Variants in STIM1 observed in about 807,000 individuals in gnomAD.
STIM1 encodes the protein stromal interaction molecule 1.
A neutral mutation model predicts 74.7 loss-of-function variants in STIM1; 25 were observed. That is an observed-to-expected ratio of 0.33 (90% CI 0.24 to 0.47). The LOEUF (loss-of-function observed/expected upper bound fraction) is 0.47. Among genes scored for constraint, STIM1 ranks in the 20% least tolerant of loss-of-function variants. STIM1 has a pLI of 1.00. For missense variants in STIM1, 728 were observed against 920.8 expected (o/e 0.79, Z 2.71); for synonymous variants, 328 against 348.8 (o/e 0.94, Z 0.66).
At chr11:4,060,533 T>G (rs1340775896) in intron 5 of STIM1, among the ~76,000 whole-genome samples, 2 of 151,992 alleles carry the variant, frequency 1.3e-5, no homozygotes, top group Non-Finnish European at 2.9e-5. Flanking sequence ...CTTTGCCACC[T>G]TTTTTTTGGG....
intron 1 of STIM1, among the ~76,000 whole-genome samples, chr11:3,909,260 G>A (rs1281594109): frequency 6.6e-6 from 1 of 152,198 alleles, no homozygotes; most frequent in East Asian, 1.9e-4. Flanking sequence ...GTGGGTTCAA[G>A]TGCCGTCCTA....
At chr11:3,884,016 C>T (rs960118395) in intron 1 of STIM1, among the ~76,000 whole-genome samples, 2 of 151,936 alleles carry the variant, frequency 1.3e-5, no homozygotes, top group Non-Finnish European at 2.9e-5. Flanking sequence ...TAATATAATG[C>T]TTGGTAATCA....
At chr11:4,030,976 A>G (rs1241699466) in intron 3 of STIM1, among the ~76,000 whole-genome samples, 1 of 152,256 alleles carries the variant, frequency 6.6e-6, no homozygotes, top group Non-Finnish European at 1.5e-5. Context: ...TGGTACATGT[A>G]TACAATTGTG....
intron 2 of STIM1, among the ~76,000 whole-genome samples, chr11:3,988,025 G>A (rs2093573622): frequency 6.6e-6 from 1 of 152,112 alleles, no homozygotes; most frequent in South Asian, 2.1e-4. Flanking sequence ...TAAGGAACAC[G>A]TGATGAGCTC....
chr11:3,886,593 C>T (rs955136313), intron 1 of STIM1, among the ~76,000 whole-genome samples: 2 of 144,084 alleles, frequency 1.4e-5, no homozygotes, highest in Non-Finnish European at 3.0e-5. Context: ...GAGGCTGAGG[C>T]AGGAGAATGG....
At chr11:3,899,728 C>A (rs571123122) in intron 1 of STIM1, among the ~76,000 whole-genome samples, 6 of 146,062 alleles carry the variant, frequency 4.1e-5, no homozygotes, top group Admixed American at 1.4e-4. Context: ...TAGCATGAAG[C>A]GTTGTTGAAT....
At chr11:3,863,726 T>G (rs574661274) in intron 1 of STIM1, among the ~76,000 whole-genome samples, 30 of 152,286 alleles carry the variant, frequency 2.0e-4, no homozygotes, top group Admixed American at 1.2e-3. Flanking sequence ...TACCTGTGCT[T>G]TAGTCACTTA....
At chr11:4,064,469 A>G (rs2094352484) in intron 5 of STIM1, among the ~76,000 whole-genome samples, 2 of 152,130 alleles carry the variant, frequency 1.3e-5, no homozygotes, top group Admixed American at 1.3e-4. Context: ...AGACACTTAG[A>G]CCTCATCATC....
chr11:4,066,421 C>T (rs1288312742), intron 5 of STIM1, among the ~76,000 whole-genome samples: 1 of 152,200 alleles, frequency 6.6e-6, no homozygotes, highest in African/African-American at 2.4e-5. Context: ...CCCCTTTTCT[C>T]CCTTTTCTGC....
intron 1 of STIM1, among the ~76,000 whole-genome samples, chr11:3,869,383 G>A (rs1293566384): frequency 1.3e-5 from 2 of 152,184 alleles, no homozygotes; most frequent in Non-Finnish European, 2.9e-5. Context: ...TCTTGGTTCA[G>A]TGCCCTGTGA....
chr11:3,911,948 T>C (rs2092568472), intron 1 of STIM1, among the ~76,000 whole-genome samples: 1 of 152,206 alleles, frequency 6.6e-6, no homozygotes, highest in African/African-American at 2.4e-5. Flanking sequence ...TGGCCTAGTA[T>C]TGCACAGAGA....
Position 4,018,483 on chromosome 11 carries a change from A to C in STIM1, c.271-5390A>C, listed in dbSNP as rs1382189681. Among the ~76,000 whole-genome samples the C allele has an allele frequency of 1.1e-3, 161 of 149,066 alleles. 2 individuals are homozygous for C. The highest frequency in any genetic ancestry group is 2.9e-3 in the African/African-American group (118 of 40,770). Reference sequence around the variant, plus strand: ...CAAAAAAAAAAAAAAAAAAAAAAAAAAAACAAACAAAATTAGCCAGGAGTG... The same window carrying C: ...CAAAAAAAAAAAAAAAAAAAAAAAACAAACAAACAAAATTAGCCAGGAGTG... On this transcript the variant is annotated intron_variant, in intron 2 of 12. Coordinates refer to ENST00000526596, the MANE Select transcript of STIM1 (RefSeq NM_001382567.1).
intron 6 of STIM1, among the ~76,000 whole-genome samples, chr11:4,073,170 C>G (rs1322221163): frequency 6.8e-6 from 1 of 147,618 alleles, no homozygotes; most frequent in Non-Finnish European, 1.5e-5. Context: ...CTTTTCTATA[C>G]CTCAAGTCTA....
chr11:4,091,223 T>G (rs1003679032), intron 12 of STIM1, 59 bp from the exon 13 acceptor site: 1 of 1,611,128 alleles, frequency 6.2e-7, no homozygotes, highest in Non-Finnish European at 8.5e-7. Flanking sequence ...TCTTCGCCTT[T>G]CCCCTATCAC....
At chr11:4,009,200 CAGG>C (rs1201608856) in intron 2 of STIM1, among the ~76,000 whole-genome samples, 1 of 151,224 alleles carries the variant, frequency 6.6e-6, no homozygotes, top group Non-Finnish European at 1.5e-5. Flanking sequence ...AAGGCTGAGG[CAGG>C]AGAATGGCGT....
intron 1 of STIM1, among the ~76,000 whole-genome samples, chr11:3,934,735 T>A (rs544139469): frequency 2.0e-5 from 3 of 152,230 alleles, no homozygotes; most frequent in Non-Finnish European, 4.4e-5. Context: ...CTTCCATAAT[T>A]CACTGTTTTG....
intron 1 of STIM1, chr11:3,947,840 C>G (rs1391579466): frequency 6.6e-6 from 1 of 152,186 alleles, no homozygotes; most frequent in Non-Finnish European, 1.5e-5. Flanking sequence ...TGTATCTGGG[C>G]TTCAGTTTTC....
intron 1 of STIM1, among the ~76,000 whole-genome samples, chr11:3,921,345 TA>T (rs775352500): frequency 2.0e-5 from 3 of 152,254 alleles, no homozygotes; most frequent in African/African-American, 4.8e-5. Context: ...GATTAAAAAC[TA>T]TTTGTATTCA....
At chr11:4,023,504 A>G (rs887480986) in intron 2 of STIM1, among the ~76,000 whole-genome samples, 3 of 152,196 alleles carry the variant, frequency 2.0e-5, no homozygotes, top group Non-Finnish European at 2.9e-5. Context: ...TATTGTGGAA[A>G]TTCTTAGAAT....
Sources: gnomAD v4.1 joint callset for allele counts (sites outside exome capture counted in the v4.1 genomes callset) on GRCh38, gnomAD v4.1.1 for gene constraint, MANE v1.5 for transcripts, NCBI Gene and HGNC (gene_info 2026-07-23, HGNC 2026-07-21) for gene names.